The following IGF2BP2 variants were observed in gnomAD, a reference collection of about 807,000 sequenced individuals.
IGF2BP2 encodes the protein insulin like growth factor 2 mRNA binding protein 2, also known as insulin-like growth factor 2 mRNA-binding protein 2.
Under a neutral mutation model 75.8 loss-of-function variants are expected in IGF2BP2, and 17 were observed. That is an observed-to-expected ratio of 0.22 (90% CI 0.15 to 0.34). The LOEUF is 0.34. Ranked by LOEUF, IGF2BP2 falls within the 10% of genes least tolerant of loss-of-function variation. The pLI, the probability that IGF2BP2 is intolerant of heterozygous loss-of-function variation, is 1.00. For missense variants in IGF2BP2, 516 were observed against 772.4 expected (o/e 0.67, Z 3.93); for synonymous variants, 288 against 295.6 (o/e 0.97, Z 0.26).
chr3:185,699,127 T>C (rs1722962944), intron 2 of IGF2BP2, among the ~76,000 whole-genome samples: 1 of 152,146 alleles, frequency 6.6e-6, no homozygotes, highest in Non-Finnish European at 1.5e-5. Flanking sequence ...TGAGCATGTT[T>C]TAAGGTTTTC....
chr3:185,649,543 G>A lies in IGF2BP2; in HGVS notation c.1462-9C>T. On this transcript the variant is annotated splice_polypyrimidine_tract_variant and intron_variant, in intron 13 of 15. Coordinates refer to ENST00000382199, the MANE Select transcript of IGF2BP2 (RefSeq NM_006548.6). The stretch of plus-strand genomic sequence containing the variant: ...AAGATCCGTCCCTGGGCCTGAGAGA[G>A]CAAGACATGACTAATGACTCTCAGT... The A allele has an allele frequency of 1.2e-6, 2 of 1,613,962 alleles. No individual in the cohort carries two copies. The highest frequency in any genetic ancestry group is 1.7e-6 in the Non-Finnish European group (2 of 1,179,912).
chr3:185,714,508 G>A (rs2149433657), intron 2 of IGF2BP2, among the ~76,000 whole-genome samples: 1 of 152,322 alleles, frequency 6.6e-6, no homozygotes, highest in East Asian at 1.9e-4. Context: ...TCAACACACA[G>A]TGCAATGCTG....
chr3:185,813,318 GA>G (rs927388528), intron 2 of IGF2BP2, among the ~76,000 whole-genome samples: 1 of 152,120 alleles, frequency 6.6e-6, no homozygotes, highest in African/African-American at 2.4e-5. Context: ...TTAAAAGGGA[GA>G]ATCAATTCCA....
At chr3:185,691,306 C>G (rs946873226) in intron 5 of IGF2BP2, among the ~76,000 whole-genome samples, 37 of 152,096 alleles carry the variant, frequency 2.4e-4, no homozygotes, top group African/African-American at 8.9e-4. Context: ...CCATGTTGGT[C>G]AGGCTGGTCT....
chr3:185,731,909 G>A (rs937993351), intron 2 of IGF2BP2, among the ~76,000 whole-genome samples: 1 of 151,982 alleles, frequency 6.6e-6, no homozygotes, highest in Non-Finnish European at 1.5e-5. Flanking sequence ...GTGAATCCGG[G>A]AGGCAGAGTT....
At chr3:185,761,519 C>T (rs1732367109) in intron 2 of IGF2BP2, among the ~76,000 whole-genome samples, 1 of 152,160 alleles carries the variant, frequency 6.6e-6, no homozygotes, top group Non-Finnish European at 1.5e-5. Flanking sequence ...ATCCCAAGTG[C>T]TATTTAAGAC....
chr3:185,662,119 G>C (rs936936951), intron 10 of IGF2BP2, among the ~76,000 whole-genome samples: 2 of 152,180 alleles, frequency 1.3e-5, no homozygotes, highest in Non-Finnish European at 2.9e-5. Context: ...TGAGGTCACA[G>C]GAATGAAAGA....
rs1474325305 is a variant in IGF2BP2 at position 185,643,238 on chromosome 3, G to A, written c.*2293C>T. ...TGCACTTACTAGTGAGCTTCCCGTG[G>A]AGGCGTGAAGTGCCTCTTCCCGGAA... is the stretch of plus-strand genomic sequence containing the variant. On this transcript the variant is annotated 3_prime_UTR_variant, in exon 16 of 16. Transcript: ENST00000382199. Among the ~76,000 whole-genome samples, 1 of 152,154 alleles carries A rather than the reference G, an allele frequency of 6.6e-6. No individual in the cohort carries two copies. Among genetic ancestry groups the A allele is most frequent in the African/African-American group, 2.4e-5 (1 of 41,438 alleles).
intron 12 of IGF2BP2, among the ~76,000 whole-genome samples, chr3:185,654,466 G>A (rs1252110096): frequency 6.6e-6 from 1 of 152,188 alleles, no homozygotes; most frequent in South Asian, 2.1e-4. Context: ...CGAGAAGGGC[G>A]AATGGCTGAT....
chr3:185,795,554 A>G (rs531597551), intron 2 of IGF2BP2, among the ~76,000 whole-genome samples: 131 of 152,342 alleles, frequency 8.6e-4, no homozygotes, highest in African/African-American at 2.2e-3. Context: ...AAAGAGACAA[A>G]GAGGAGACAA....
chr3:185,654,642 GGAAT>G (rs1158190602), intron 12 of IGF2BP2, among the ~76,000 whole-genome samples: 2 of 152,294 alleles, frequency 1.3e-5, no homozygotes, highest in African/African-American at 4.8e-5. Context: ...GTGCAGTTTT[GGAAT>G]GTCATTCCAT....
At chr3:185,750,429 C>G (rs952669292) in intron 2 of IGF2BP2, among the ~76,000 whole-genome samples, 26 of 152,224 alleles carry the variant, frequency 1.7e-4, no homozygotes, top group Non-Finnish European at 3.4e-4. Context: ...CCTGGAATAA[C>G]ACTTGTCCCA....
intron 2 of IGF2BP2, among the ~76,000 whole-genome samples, chr3:185,770,730 G>A (rs947469113): frequency 6.6e-6 from 1 of 152,198 alleles, no homozygotes; most frequent in East Asian, 1.9e-4. Flanking sequence ...TGTAATAGAT[G>A]ATCTTGTGGA....
In IGF2BP2 at chr3:185,764,576, G is replaced by A. The variant is rs188595953; in HGVS notation, c.239+58577C>T. The stretch of plus-strand genomic sequence containing the variant: ...AGCAGCAACAGGTTATCAGGAAGGG[G>A]AGTCTTGTCTTGAGAAGGGAGGTTG... On this transcript the variant is annotated intron_variant, in intron 2 of 15. Transcript: ENST00000382199. Among the ~76,000 whole-genome samples the A allele has an allele frequency of 2.0e-3, 300 of 152,300 alleles. 1 individual carries two copies. Among genetic ancestry groups the A allele is most frequent in the Middle Eastern group, 6.8e-3 (2 of 294 alleles).
chr3:185,790,309 T>C (rs1736477155), intron 2 of IGF2BP2, among the ~76,000 whole-genome samples: 1 of 152,028 alleles, frequency 6.6e-6, no homozygotes, highest in African/African-American at 2.4e-5. Context: ...TCTCCCAAAG[T>C]CCCCCAAATA....
chr3:185,643,554 C>G lies in IGF2BP2; in HGVS notation c.*1977G>C, dbSNP rs922694152. Among the ~76,000 whole-genome samples the G allele has an allele frequency of 6.6e-6, 1 of 152,180 alleles. No individual in the cohort carries two copies. Among genetic ancestry groups the G allele is most frequent in the African/African-American group, 2.4e-5 (1 of 41,448 alleles). Reference sequence around the variant, plus strand: ...TGATGCTGCTGGTCTGGGGACTACACTTTGACCACCGATCTAGTTTAGCTT... The same window carrying G: ...TGATGCTGCTGGTCTGGGGACTACAGTTTGACCACCGATCTAGTTTAGCTT... On this transcript the variant is annotated 3_prime_UTR_variant, in exon 16 of 16. Transcript: ENST00000382199.
intron 2 of IGF2BP2, among the ~76,000 whole-genome samples, chr3:185,704,296 G>GT (rs1491180388): frequency 6.6e-6 from 1 of 152,118 alleles, no homozygotes; most frequent in Admixed American, 6.5e-5. Context: ...GCGCTCATTA[G>GT]TGTGTCTTTC....
chr3:185,739,057 T>C (rs1355574552), intron 2 of IGF2BP2, among the ~76,000 whole-genome samples: 1 of 152,166 alleles, frequency 6.6e-6, no homozygotes, highest in Admixed American at 6.5e-5. Context: ...ATAATAAAAA[T>C]ATTCCTAAAA....
chr3:185,703,795 A>G (rs1020445718), intron 2 of IGF2BP2, among the ~76,000 whole-genome samples: 3 of 152,124 alleles, frequency 2.0e-5, no homozygotes, highest in African/African-American at 7.2e-5. Context: ...GAAAGAGAGA[A>G]AGAAAGAAAG....
Sources: gnomAD v4.1 joint callset for allele counts (sites outside exome capture counted in the v4.1 genomes callset) on GRCh38, gnomAD v4.1.1 for gene constraint, MANE v1.5 for transcripts, NCBI Gene and HGNC (gene_info 2026-07-23, HGNC 2026-07-21) for gene names.